Variants in SLC6A16 observed in about 807,000 individuals in gnomAD.
The protein encoded by SLC6A16 is orphan sodium- and chloride-dependent neurotransmitter transporter NTT5.
Under a neutral mutation model 65.4 loss-of-function variants are expected in SLC6A16, and 54 were observed. That is an observed-to-expected ratio of 0.83 (90% CI 0.66 to 1.04). The LOEUF (loss-of-function observed/expected upper bound fraction) is 1.04, where lower values mean the gene tolerates loss of function less well. SLC6A16 is among the 50% of genes least tolerant of loss of function. SLC6A16 has a pLI of 0.00. For missense variants in SLC6A16, 816 were observed against 914.0 expected (o/e 0.89, Z 1.38); for synonymous variants, 330 against 346.5 (o/e 0.95, Z 0.53).
rs549789749 is a variant in SLC6A16 at position 49,313,154 on chromosome 19, T to A, written c.-64-1743A>T. ...ATCCCTGCTTTTACATTAAATTTTT[T>A]AAAATCTTGTATTACTTTTTTTTCA... is the stretch of plus-strand genomic sequence containing the variant. On this transcript the variant is annotated intron_variant, in intron 1 of 11. Coordinates refer to ENST00000335875, the MANE Select transcript of SLC6A16 (RefSeq NM_014037.3). Among the ~76,000 whole-genome samples the A allele has an allele frequency of 9.9e-5, 15 of 151,850 alleles. No homozygotes were observed. The South Asian group carries it at 2.7e-3, about 27-fold the overall frequency.
At chr19:49,316,693 G>C (rs1172491960) in intron 1 of SLC6A16, among the ~76,000 whole-genome samples, 1 of 151,988 alleles carries the variant, frequency 6.6e-6, no homozygotes, top group Non-Finnish European at 1.5e-5. Flanking sequence ...ATTCCTGTGA[G>C]TAAAGCCAAA....
At position 49,293,884 on chromosome 19, in the gene SLC6A16, T is replaced by C. The variant is rs375827505; in HGVS notation, c.1561A>G (p.Ile521Val). 3.0e-5 allele frequency: 49 copies of C among 1,614,036 alleles called. No individual in the cohort carries two copies. The African/African-American group carries it at 6.0e-4, about 20-fold the overall frequency. ...SSAIGIMQGIITPLQDTFSFF... is the reference protein window; with the variant it reads ...SSAIGIMQGIVTPLQDTFSFF... ...GAGAAGGTGTCCTGGAGTGGAGTAATGATGCCCTGCATAATCCCTATTGCG... is the reference window on the plus strand; with the variant it reads ...GAGAAGGTGTCCTGGAGTGGAGTAACGATGCCCTGCATAATCCCTATTGCG... The change falls in exon 9 of 12, where the codon ATT (isoleucine) becomes GTT (valine). Residue 521 changes from isoleucine to valine, a missense_variant. Ile to Val is a conservative substitution (Grantham distance 29). Transcript: ENST00000335875.
chr19:49,328,631 G>T (rs561629632), upstream of SLC6A16, among the ~76,000 whole-genome samples: 7 of 152,328 alleles, frequency 4.6e-5, no homozygotes, highest in East Asian at 1.2e-3. Flanking sequence ...GATGGATTGT[G>T]TGGTGGTTTT....
chr19:49,294,639 C>G (rs905710539), intron 7 of SLC6A16, 86 bp from the exon 8 acceptor site: 40 of 1,217,684 alleles, frequency 3.3e-5, no homozygotes, highest in Non-Finnish European at 4.5e-5. Flanking sequence ...ATAAAAAAGG[C>G]TATCACTGGC....
chr19:49,309,703 CAAAG>C lies in SLC6A16; in HGVS notation c.820_823del (p.Leu274AlafsTer9). 1 of 1,614,114 alleles carries C rather than the reference CAAAG, an allele frequency of 6.2e-7. No homozygotes were observed. Among genetic ancestry groups the C allele is most frequent in the Non-Finnish European group, 8.5e-7 (1 of 1,179,990 alleles). ...CATGAAAGCACCAACAAGACACCAG[CAAAG>C]AAAGAAGGGCAGGACCAGACTGTAG... On this transcript the variant is annotated frameshift_variant, in exon 5 of 12. Coordinates refer to ENST00000335875, the MANE Select transcript of SLC6A16 (RefSeq NM_014037.3). LOFTEE classifies it high-confidence loss of function.
chr19:49,337,935 G>A, the SLC6A16 span: 1 of 1,614,112 alleles, frequency 6.2e-7, no homozygotes, highest in Non-Finnish European at 8.5e-7. Context: ...CTGGAGCGAA[G>A]CTTGCGGGAC....
chr19:49,338,992 G>A, the SLC6A16 span: 1 of 1,367,532 alleles, frequency 7.3e-7, no homozygotes, highest in Non-Finnish European at 1.0e-6. This position sits in a 1 kb window ranked among gnomAD's most constrained non-coding sequence, Gnocchi z 5.0. Context: ...TGCGGGAGGG[G>A]GAGGGCTGTC....
chr19:49,312,049 G>A (rs553726207), intron 1 of SLC6A16, among the ~76,000 whole-genome samples: 2 of 150,398 alleles, frequency 1.3e-5, no homozygotes, highest in African/African-American at 2.4e-5. Flanking sequence ...ACTAATTTTT[G>A]TATTTTTAGT....
At chr19:49,312,035 C>T (rs2077486590) in intron 1 of SLC6A16, among the ~76,000 whole-genome samples, 1 of 151,132 alleles carries the variant, frequency 6.6e-6, no homozygotes, top group Non-Finnish European at 1.5e-5. Context: ...CACTACCACA[C>T]CTGACTAATT....
chr19:49,337,797 G>T, the SLC6A16 span: 1,173,782 of 1,551,836 alleles, frequency 0.76, 445,382 homozygotes, highest in South Asian at 0.84. Context: ...AGTACACAGA[G>T]CTAGCCATTC....
At chr19:49,340,198 C>T in the SLC6A16 span, 24 of 1,542,410 alleles carry the variant, frequency 1.6e-5, no homozygotes, top group Non-Finnish European at 2.0e-5. Flanking sequence ...GGCATCACCC[C>T]CGTCTCGCCA....
the SLC6A16 span, chr19:49,340,178 C>T: frequency 3.5e-6 from 5 of 1,434,638 alleles, no homozygotes; most frequent in Non-Finnish European, 4.8e-6. Context: ...TGACCTTTCT[C>T]GCCCGGGTGG....
upstream of SLC6A16, among the ~76,000 whole-genome samples, chr19:49,329,827 G>A (rs926341995): frequency 6.6e-6 from 1 of 151,878 alleles, no homozygotes; most frequent in Non-Finnish European, 1.5e-5. Flanking sequence ...AGAGACGGGG[G>A]TTTCACTGTG....
chr19:49,304,758 A>G (rs1970351552), intron 7 of SLC6A16, among the ~76,000 whole-genome samples: 1 of 152,246 alleles, frequency 6.6e-6, no homozygotes, highest in African/African-American at 2.4e-5. Flanking sequence ...AAATGACTAC[A>G]TATCCAGAAC....
the SLC6A16 span, among the ~76,000 whole-genome samples, chr19:49,331,320 G>A: frequency 1.3e-5 from 2 of 152,162 alleles, no homozygotes; most frequent in South Asian, 2.1e-4. Context: ...AGCTGGGACT[G>A]TAGGTACATA....
chr19:49,318,895 T>A (rs903318277), intron 1 of SLC6A16, among the ~76,000 whole-genome samples: 9 of 112,654 alleles, frequency 8.0e-5, no homozygotes, highest in African/African-American at 2.9e-4. Context: ...TTTTTTTTAG[T>A]AGAGACAGGG....
the SLC6A16 span, chr19:49,339,766 G>T: frequency 7.3e-7 from 1 of 1,374,206 alleles, no homozygotes; most frequent in South Asian, 1.7e-5. This position sits in a 1 kb window ranked among gnomAD's most constrained non-coding sequence, Gnocchi z 4.5. Flanking sequence ...CAGCCTGATC[G>T]CTGACGGCGG....
chr19:49,322,815 AGCTTTTTTTTT>A (rs1970734536), intron 1 of SLC6A16, among the ~76,000 whole-genome samples: 3 of 98,574 alleles, frequency 3.0e-5, no homozygotes, highest in Non-Finnish European at 4.2e-5. Flanking sequence ...CAGAATTAGT[AGCTTTTTTTTT>A]TTTTTTTTTT....
At chr19:49,331,506 G>A in the SLC6A16 span, 1 of 344,610 alleles carries the variant, frequency 2.9e-6, no homozygotes, top group Non-Finnish European at 5.8e-6. Flanking sequence ...GATATATATA[G>A]TGTATGCAGT....
Sources: gnomAD v4.1 joint callset for allele counts (sites outside exome capture counted in the v4.1 genomes callset) on GRCh38, gnomAD v4.1.1 for gene constraint, Gnocchi (gnomAD v3.1) non-coding constraint, MANE v1.5 for transcripts, NCBI Gene and HGNC (gene_info 2026-07-23, HGNC 2026-07-21) for gene names.